The following CTNNA2 variants were observed in gnomAD, a reference collection of about 807,000 sequenced individuals.
The protein encoded by CTNNA2 is catenin alpha-2.
CTNNA2 carries 42 observed loss-of-function variants against 101.0 expected under a neutral mutation model. That is an observed-to-expected ratio of 0.42 (90% CI 0.32 to 0.54). The LOEUF (loss-of-function observed/expected upper bound fraction) is 0.54, where lower values mean the gene tolerates loss of function less well. CTNNA2 is among the 20% of genes least tolerant of loss of function. The pLI, the probability that CTNNA2 is intolerant of heterozygous loss-of-function variation, is 0.14. For synonymous variants in CTNNA2, 450 were observed against 456.4 expected (o/e 0.99, Z 0.18); for missense variants, 871 against 1,223.1 (o/e 0.71, Z 4.29).
intron 7 of CTNNA2, among the ~76,000 whole-genome samples, chr2:80,267,796 G>A (rs1194981706): frequency 6.6e-6 from 1 of 152,206 alleles, no homozygotes; most frequent in African/African-American, 2.4e-5. Flanking sequence ...GTGGACAGAG[G>A]CTGTGTTAGT....
intron 2 of CTNNA2, among the ~76,000 whole-genome samples, chr2:79,242,993 T>TATATATATATACAC (rs1306982182): frequency 1.7e-5 from 2 of 116,702 alleles, no homozygotes; most frequent in African/African-American, 3.3e-5. Context: ...TATATATATA[T>TATATATATATACAC]ACACACACAC....
At chr2:80,553,873 G>A (rs1349898340) in intron 11 of CTNNA2, among the ~76,000 whole-genome samples, 1 of 152,126 alleles carries the variant, frequency 6.6e-6, no homozygotes, top group Non-Finnish European at 1.5e-5. Context: ...TATATACTGT[G>A]TTCACATGTT....
intron 2 of CTNNA2, among the ~76,000 whole-genome samples, chr2:79,202,327 G>GTTT (rs1344836637): frequency 3.1e-5 from 4 of 129,430 alleles, no homozygotes; most frequent in African/African-American, 1.2e-4. Context: ...CCACACACTT[G>GTTT]TTTTTTTATT....
intron 4 of CTNNA2, among the ~76,000 whole-genome samples, chr2:79,464,665 T>G (rs1391192909): frequency 1.3e-5 from 2 of 152,186 alleles, no homozygotes; most frequent in Non-Finnish European, 2.9e-5. Flanking sequence ...GACTTTTTAA[T>G]GATCGCCATT....
intron 3 of CTNNA2, among the ~76,000 whole-genome samples, chr2:79,782,262 G>A (rs1006051316): frequency 6.6e-6 from 1 of 151,982 alleles, no homozygotes; most frequent in African/African-American, 2.4e-5. Context: ...TGGAGACTGA[G>A]TTTCACTCTT....
At chr2:80,045,431 C>T (rs1328726712) in intron 7 of CTNNA2, among the ~76,000 whole-genome samples, 1 of 152,112 alleles carries the variant, frequency 6.6e-6, no homozygotes, top group Non-Finnish European at 1.5e-5. Context: ...CCCAAAGTAC[C>T]ACAAGGGGTA....
chr2:79,635,797 C>T (rs1439807806), intron 1 of CTNNA2, among the ~76,000 whole-genome samples: 1 of 151,514 alleles, frequency 6.6e-6, no homozygotes, highest in Non-Finnish European at 1.5e-5. Flanking sequence ...AGCCACCGTG[C>T]CCGGCCAATA....
intron 4 of CTNNA2, among the ~76,000 whole-genome samples, chr2:79,868,315 C>T (rs538118668): frequency 6.6e-6 from 1 of 152,190 alleles, no homozygotes; most frequent in Admixed American, 6.5e-5. Flanking sequence ...TAACCTCCCC[C>T]CAACCCCTGC....
At chr2:79,706,200 T>TA (rs1476757052) in intron 2 of CTNNA2, among the ~76,000 whole-genome samples, 1 of 151,586 alleles carries the variant, frequency 6.6e-6, no homozygotes, top group Non-Finnish European at 1.5e-5. Flanking sequence ...CCGTCTCTAC[T>TA]AAAAATACAA....
intron 7 of CTNNA2, among the ~76,000 whole-genome samples, chr2:80,323,923 A>G (rs1678977745): frequency 6.6e-6 from 1 of 152,164 alleles, no homozygotes; most frequent in South Asian, 2.1e-4. Flanking sequence ...AGCTAACATT[A>G]GTGGTATTTC....
intron 1 of CTNNA2, among the ~76,000 whole-genome samples, chr2:79,610,472 G>A (rs536870558): frequency 1.3e-5 from 2 of 152,200 alleles, no homozygotes; most frequent in Admixed American, 1.3e-4. Context: ...TAATTCTAAT[G>A]TTCATCAACA....
chr2:80,168,082 G>A (rs748330609), intron 7 of CTNNA2, among the ~76,000 whole-genome samples: 6 of 152,134 alleles, frequency 3.9e-5, no homozygotes, highest in East Asian at 1.9e-4. Flanking sequence ...ATGGCTGTAC[G>A]TTTGTTTATT....
chr2:80,525,413 C>T (rs1364435528), intron 9 of CTNNA2, among the ~76,000 whole-genome samples: 1 of 152,024 alleles, frequency 6.6e-6, no homozygotes, highest in African/African-American at 2.4e-5. Context: ...ATGCCCTCCC[C>T]AGTGACTGTG....
At chr2:80,188,255 A>G (rs1344720326) in intron 7 of CTNNA2, among the ~76,000 whole-genome samples, 1 of 152,216 alleles carries the variant, frequency 6.6e-6, no homozygotes, top group Non-Finnish European at 1.5e-5. Flanking sequence ...TTGATAAGAA[A>G]ATGTGAATGT....
chr2:80,400,494 T>A (rs1678457902), intron 8 of CTNNA2, among the ~76,000 whole-genome samples: 1 of 152,156 alleles, frequency 6.6e-6, no homozygotes, highest in Non-Finnish European at 1.5e-5. Flanking sequence ...GGTGGAAAAT[T>A]GTGAAGAAGA....
At chr2:79,803,574 C>T (rs777560458) in intron 3 of CTNNA2, among the ~76,000 whole-genome samples, 11 of 152,364 alleles carry the variant, frequency 7.2e-5, no homozygotes, top group South Asian at 2.1e-4. Context: ...AGCAGTTTTC[C>T]GCCCTGGGCG....
chr2:79,801,595 G>T (rs527776785), intron 3 of CTNNA2, among the ~76,000 whole-genome samples: 1 of 152,024 alleles, frequency 6.6e-6, no homozygotes, highest in Non-Finnish European at 1.5e-5. Flanking sequence ...GGGGCTCACA[G>T]ACCCACTCTA....
intron 3 of CTNNA2, among the ~76,000 whole-genome samples, chr2:79,795,771 A>G (rs1295789720): frequency 5.9e-5 from 9 of 152,214 alleles, no homozygotes; most frequent in Non-Finnish European, 1.2e-4. Flanking sequence ...AAGAGACATA[A>G]AAAGGGTTAC....
chr2:80,139,855 G>A (rs1432165027), intron 7 of CTNNA2, among the ~76,000 whole-genome samples: 4 of 152,104 alleles, frequency 2.6e-5, no homozygotes, highest in African/African-American at 9.7e-5. Flanking sequence ...ATGTTTGCTT[G>A]CTCTTGGGTG....
Sources: gnomAD v4.1 joint callset for allele counts (sites outside exome capture counted in the v4.1 genomes callset) on GRCh38, gnomAD v4.1.1 for gene constraint, MANE v1.5 for transcripts, NCBI Gene and HGNC (gene_info 2026-07-23, HGNC 2026-07-21) for gene names.